Variants in GBE1 observed in about 807,000 individuals in gnomAD.
GBE1 encodes the protein 1,4-alpha-glucan-branching enzyme.
GBE1 carries 70 observed loss-of-function variants against 88.8 expected under a neutral mutation model. The ratio of observed to expected loss-of-function variants is 0.79; its 90% CI spans 0.65 to 0.96. The LOEUF (loss-of-function observed/expected upper bound fraction) is 0.96. Ranked by LOEUF, GBE1 falls within the 40% of genes least tolerant of loss-of-function variation. GBE1 has a pLI of 0.00. For missense variants in GBE1, 872 were observed against 871.0 expected (o/e 1.00, Z -0.01); for synonymous variants, 284 against 300.1 (o/e 0.95, Z 0.56).
At chr3:81,593,000 A>T (rs943663095) in intron 8 of GBE1, among the ~76,000 whole-genome samples, 4 of 151,612 alleles carry the variant, frequency 2.6e-5, no homozygotes, top group Non-Finnish European at 5.9e-5. Flanking sequence ...ATTTACAGTC[A>T]CGTTTTTCAC....
At chr3:81,705,084 G>C (rs1303732803) in intron 2 of GBE1, among the ~76,000 whole-genome samples, 1 of 152,116 alleles carries the variant, frequency 6.6e-6, no homozygotes, top group African/African-American at 2.4e-5. Context: ...AGGTGTGAAT[G>C]CTAGCGGAGC....
Position 81,526,570 on chromosome 3 carries a change from A to C in GBE1, c.1934+8625T>G, listed in dbSNP as rs529206457. On this transcript the variant is annotated intron_variant, in intron 14 of 15. Coordinates refer to ENST00000429644, the MANE Select transcript of GBE1 (RefSeq NM_000158.4). Reference sequence around the variant, plus strand: ...CAAAAATCACAAGCATTCTTATACAACAATAACAGACAAACAGAGAGCCAA... The same window carrying C: ...CAAAAATCACAAGCATTCTTATACACCAATAACAGACAAACAGAGAGCCAA... Among the ~76,000 whole-genome samples, 1,034 of 152,004 alleles carry C rather than the reference A, an allele frequency of 6.8e-3. 13 individuals are homozygous for C. The highest frequency in any genetic ancestry group is 5.4e-3 in the Non-Finnish European group (369 of 67,896).
At chr3:81,553,583 CTT>C (rs34551400) in intron 12 of GBE1, among the ~76,000 whole-genome samples, 103 of 133,566 alleles carry the variant, frequency 7.7e-4, no homozygotes, top group African/African-American at 1.4e-3. Context: ...TGGAAAATGT[CTT>C]TTTTTTTTTT....
intron 1 of GBE1, chr3:81,743,541 A>G (rs1706380537): frequency 1.3e-6 from 2 of 1,514,856 alleles, no homozygotes; most frequent in African/African-American, 1.4e-5. Flanking sequence ...AAATAATGCA[A>G]GTCATAATGA....
At chr3:81,711,729 C>G (rs568151905) in intron 1 of GBE1, among the ~76,000 whole-genome samples, 85 of 152,268 alleles carry the variant, frequency 5.6e-4, no homozygotes, top group African/African-American at 1.9e-3. Flanking sequence ...CAATACCATT[C>G]AGGACATAGG....
chr3:81,598,948 A>G (rs1313432700), intron 7 of GBE1, among the ~76,000 whole-genome samples: 2 of 152,236 alleles, frequency 1.3e-5, no homozygotes, highest in East Asian at 3.9e-4. Flanking sequence ...TTGTTTAATC[A>G]GATTATATCC....
At chr3:81,724,891 G>A (rs7638347) in intron 1 of GBE1, among the ~76,000 whole-genome samples, 93 of 152,156 alleles carry the variant, frequency 6.1e-4, no homozygotes, top group Middle Eastern at 6.8e-3. Context: ...CTCTCAAAAC[G>A]TGTGTTTCTG....
intron 1 of GBE1, among the ~76,000 whole-genome samples, chr3:81,713,376 G>A (rs1444604314): frequency 1.3e-5 from 2 of 152,186 alleles, no homozygotes; most frequent in Non-Finnish European, 2.9e-5. Flanking sequence ...AGTCAGAGCA[G>A]GAGAAAGTGG....
chr3:81,551,329 G>A (rs959665027), intron 12 of GBE1, among the ~76,000 whole-genome samples: 1 of 152,140 alleles, frequency 6.6e-6, no homozygotes, highest in Non-Finnish European at 1.5e-5. Context: ...CATGATGGGG[G>A]GTGCTGGACA....
intron 1 of GBE1, 83 bp downstream of exon 1, chr3:81,761,292 G>A: frequency 6.7e-7 from 1 of 1,502,676 alleles, no homozygotes; most frequent in South Asian, 1.3e-5. Flanking sequence ...GCGCGCGAGG[G>A]CCGAGGGGCG....
chr3:81,561,942 C>T (rs992708112), intron 12 of GBE1, among the ~76,000 whole-genome samples: 4 of 152,072 alleles, frequency 2.6e-5, no homozygotes, highest in Admixed American at 1.3e-4. Flanking sequence ...CAAAGCAGGC[C>T]TTTCTTCATG....
At chr3:81,507,681 T>A (rs1028825159) in intron 14 of GBE1, among the ~76,000 whole-genome samples, 1 of 142,884 alleles carries the variant, frequency 7.0e-6, no homozygotes, top group African/African-American at 2.5e-5. Context: ...TGTGTGTATA[T>A]ATATATGTGT....
intron 7 of GBE1, among the ~76,000 whole-genome samples, chr3:81,636,402 T>C (rs1704591882): frequency 6.6e-6 from 1 of 152,196 alleles, no homozygotes; most frequent in Non-Finnish European, 1.5e-5. Flanking sequence ...ACTGTGAGAT[T>C]ATAATATTCT....
chr3:81,761,318 C>T, intron 1 of GBE1, 57 bp downstream of exon 1: 5 of 1,549,518 alleles, frequency 3.2e-6, no homozygotes, highest in Non-Finnish European at 4.4e-6. Context: ...TGTCCCGAGA[C>T]GGCTCCTGGG....
rs374882005 is a variant in GBE1, at chr3:81,591,187, G to A, written c.1109-23C>T. On this transcript the variant is annotated intron_variant, in intron 8 of 15. Coordinates refer to ENST00000429644, the MANE Select transcript of GBE1 (RefSeq NM_000158.4). ...GACCTTAGAAAAAGAAAATCAATAC[G>A]GATATATTATGTTAACAAGCAAGTC... 6.6e-5 allele frequency: 103 copies of A among 1,561,586 alleles called. 1 individual carries two copies. In the African/African-American group the frequency reaches 7.6e-4, roughly 11 times the overall value.
rs1309818317 is a variant in GBE1 at position 81,642,867 on chromosome 3, C to T, written c.906G>A (p.Met302Ile). Residue 302 changes from methionine to isoleucine, a missense_variant, in exon 7 of 16, where the codon ATG (methionine) becomes ATA (isoleucine). Met to Ile is a conservative substitution (Grantham distance 10). Coordinates refer to ENST00000429644, the MANE Select transcript of GBE1 (RefSeq NM_000158.4). ...AATAACAGGAATCTGTCCCATCAAA[C>T]ATATTCAATCCATCTGCTGAATTTT... ...ASKNSADGLNMFDGTDSCYFH... is the reference protein window; with the variant it reads ...ASKNSADGLNIFDGTDSCYFH... 6.2e-7 allele frequency: 1 copy of T among 1,612,992 alleles called. No homozygotes were observed. The highest frequency in any genetic ancestry group is 2.2e-5 in the East Asian group (1 of 44,848).
intron 7 of GBE1, among the ~76,000 whole-genome samples, chr3:81,625,490 G>GT (rs966440126): frequency 6.6e-6 from 1 of 151,892 alleles, no homozygotes; most frequent in Non-Finnish European, 1.5e-5. Flanking sequence ...CCAGGCTGGA[G>GT]TGCAGCAGCA....
At chr3:81,544,172 A>G (rs1703175900) in intron 12 of GBE1, among the ~76,000 whole-genome samples, 1 of 152,188 alleles carries the variant, frequency 6.6e-6, no homozygotes. Flanking sequence ...CAAAATAAAA[A>G]AGAAAAGTAG....
chr3:81,648,540 T>G (rs574092235), intron 5 of GBE1, among the ~76,000 whole-genome samples: 14 of 152,234 alleles, frequency 9.2e-5, no homozygotes, highest in Middle Eastern at 3.4e-3. Flanking sequence ...CAATAATCAC[T>G]TAAATTGATA....
Sources: allele counts gnomAD v4.1 joint callset (sites outside exome capture counted in the v4.1 genomes callset), GRCh38; gene constraint gnomAD v4.1.1; transcripts MANE v1.5; gene names NCBI Gene and HGNC (gene_info 2026-07-23, HGNC 2026-07-21).